Variants in TGM2 observed in about 807,000 individuals in gnomAD.
TGM2 encodes protein-glutamine gamma-glutamyltransferase 2.
In TGM2, 53 loss-of-function variants were observed where a neutral mutation model predicts 75.6. The observed-to-expected ratio is 0.70, with a 90% CI of 0.56 to 0.88. The LOEUF is 0.88. Ranked by LOEUF, TGM2 falls within the 40% of genes least tolerant of loss-of-function variation. The probability of loss-of-function intolerance (pLI) is 0.00; values close to 1 mark genes in which losing one functional copy is unlikely to be tolerated. For missense variants in TGM2, 842 were observed against 928.5 expected, an observed-to-expected ratio of 0.91 and a Z score of 1.21; for synonymous variants, 374 against 381.1, an observed-to-expected ratio of 0.98 and a Z score of 0.22.
chr20:38,146,857 C>T lies in TGM2; in HGVS notation c.719G>A (p.Arg240His), dbSNP rs780697822. Residue 240 changes from arginine to histidine, a missense_variant, in exon 6 of 13, where the codon CGC becomes CAC. Arg to His is a conservative substitution (Grantham distance 29). Transcript: ENST00000361475. The stretch of plus-strand genomic sequence containing the variant: ...GCCGTCCCCGTAGTTGTTGTCCCAG[C>T]GTCCCAGCAGCACACCCTGGTCATC... ...CNDDQGVLLG[R>H]WDNNYGDGVS... 29 of 1,613,834 alleles carry T rather than the reference C, an allele frequency of 1.8e-5. 1 individual carries two copies. In the South Asian group the frequency reaches 1.9e-4, roughly 10 times the overall value.
At chr20:38,144,998 T>G (rs2075027837) in intron 6 of TGM2, among the ~76,000 whole-genome samples, 1 of 152,138 alleles carries the variant, frequency 6.6e-6, no homozygotes, top group Non-Finnish European at 1.5e-5. Context: ...AGGTCTTGGA[T>G]TTCGGGGTTT....
chr20:38,148,189 C>T, intron 4 of TGM2, 100 bp from the exon 5 acceptor site: 1 of 1,513,212 alleles, frequency 6.6e-7, no homozygotes, highest in Non-Finnish European at 9.1e-7. Context: ...CACTCTGTCC[C>T]ACACAGCAGA....
intron 1 of TGM2, among the ~76,000 whole-genome samples, chr20:38,162,252 T>G (rs1342251172): frequency 1.3e-5 from 2 of 152,242 alleles, no homozygotes; most frequent in African/African-American, 2.4e-5. Context: ...GTAAAACACT[T>G]AGTACAATGT....
chr20:38,142,341 A>G, intron 6 of TGM2, 142 bp from the exon 7 acceptor site: 1 of 1,337,594 alleles, frequency 7.5e-7, no homozygotes. Context: ...TCCTGCCGGG[A>G]CAATGGCGCC....
chr20:38,134,600 T>G (rs1227073545), intron 10 of TGM2, among the ~76,000 whole-genome samples: 1 of 152,136 alleles, frequency 6.6e-6, no homozygotes, highest in African/African-American at 2.4e-5. Context: ...TCTCAACCAT[T>G]CTTTAGACAA....
intron 3 of TGM2, among the ~76,000 whole-genome samples, chr20:38,152,713 C>G (rs2075128125): frequency 6.6e-6 from 1 of 152,246 alleles, no homozygotes; most frequent in Non-Finnish European, 1.5e-5. Flanking sequence ...ACCCATCAGA[C>G]TGATTTCCTC....
In TGM2 at chr20:38,132,450, T is replaced by C. The variant is rs143549454; in HGVS notation, c.1666A>G (p.Thr556Ala). ...ILYEKYRDCL[T>A]ESNLIKVRAL... ...CGCACCTTGATGAGGTTGGACTCCG[T>C]AAGGCAGTCACGGTATTTCTCATAG... Residue 556 changes from threonine to alanine, a missense_variant, in exon 11 of 13, where the codon ACG (threonine) becomes GCG (alanine). Coordinates refer to ENST00000361475, the MANE Select transcript of TGM2 (RefSeq NM_004613.4). The C allele has an allele frequency of 1.9e-5, 30 of 1,614,118 alleles. No homozygotes were observed. In the African/African-American group the frequency reaches 3.9e-4, roughly 21 times the overall value.
Position 38,161,498 on chromosome 20 carries a change from G to T in TGM2, c.112C>A (p.Pro38Thr). ...REKLVVRRGQ[P>T]FWLTLHFEGR... ...TCAAAGTGCAGGGTCAGCCAGAAGGGCTGGCCCCGTCGCACCACCAGCTTC... is the reference window on the plus strand; with the variant it reads ...TCAAAGTGCAGGGTCAGCCAGAAGGTCTGGCCCCGTCGCACCACCAGCTTC... Residue 38 changes from proline (P) to threonine (T), a missense_variant, in exon 2 of 13, where the codon CCC (proline) becomes ACC (threonine). Pro to Thr is a conservative substitution (Grantham distance 38). Transcript: ENST00000361475. 6.2e-7 allele frequency: 1 copy of T among 1,614,188 alleles called. No individual in the cohort carries two copies. The highest frequency in any genetic ancestry group is 2.2e-5 in the East Asian group (1 of 44,872).
intron 10 of TGM2, among the ~76,000 whole-genome samples, chr20:38,134,239 C>A (rs1388530349): frequency 6.6e-6 from 1 of 152,190 alleles, no homozygotes; most frequent in Non-Finnish European, 1.5e-5. Flanking sequence ...GCTGCCCCGA[C>A]CTGCCCACCT....
chr20:38,141,473 C>T, intron 7 of TGM2, 88 bp from the exon 8 acceptor site: 2 of 1,006,030 alleles, frequency 2.0e-6, no homozygotes, highest in Non-Finnish European at 3.1e-6. Context: ...TTCATGTCCC[C>T]AGATGCAAGC....
In TGM2 at chr20:38,129,904, T is replaced by C; in HGVS notation, c.*315A>G. On this transcript the variant is annotated 3_prime_UTR_variant, in exon 13 of 13. Transcript: ENST00000361475. Reference sequence around the variant, plus strand: ...ATCAAACAATATGGTGGGTGGTCAATGGCTTTCCAAAGGGCATCTGGGCAG... The same window carrying C: ...ATCAAACAATATGGTGGGTGGTCAACGGCTTTCCAAAGGGCATCTGGGCAG... The C allele has an allele frequency of 4.8e-6, 2 of 413,762 alleles. No homozygotes were observed. Among genetic ancestry groups the C allele is most frequent in the South Asian group, 2.8e-5 (1 of 35,248 alleles). 25.6% of individuals were successfully genotyped at this position (413,762 alleles called of 1,614,324 possible).
At chr20:38,165,156 C>T (rs748172619) in intron 1 of TGM2, 33 bp downstream of exon 1, 4 of 1,613,938 alleles carry the variant, frequency 2.5e-6, no homozygotes, top group South Asian at 2.2e-5. Context: ...CCCGGGGCCC[C>T]TGAGTGGCGG....
intron 1 of TGM2, among the ~76,000 whole-genome samples, chr20:38,163,066 C>T (rs1460647593): frequency 2.0e-5 from 3 of 152,146 alleles, no homozygotes; most frequent in Admixed American, 6.5e-5. Context: ...CCCTTCCCCA[C>T]GGCCCAGCCC....
chr20:38,143,804 T>C (rs2122894631), intron 6 of TGM2, among the ~76,000 whole-genome samples: 1 of 152,334 alleles, frequency 6.6e-6, no homozygotes, highest in South Asian at 2.1e-4. Context: ...TAGTTTTGAT[T>C]GAAGTTGAGT....
intron 6 of TGM2, 28 bp from the exon 7 acceptor site, chr20:38,142,227 G>T (rs1174843975): frequency 1.2e-6 from 2 of 1,613,322 alleles, no homozygotes; most frequent in Non-Finnish European, 1.7e-6. Context: ...AAAGCGGGGT[G>T]AGGTCCTGGA....
In TGM2 at chr20:38,139,343, G is replaced by A. The variant is rs570709972; in HGVS notation, c.1342+69C>T. 5 of 1,611,176 alleles carry A rather than the reference G, an allele frequency of 3.1e-6. No homozygotes were observed. The East Asian group carries it at 6.7e-5, about 22-fold the overall frequency. On this transcript the variant is annotated intron_variant, in intron 9 of 12. Transcript: ENST00000361475. ...TTAAAACACACGCACACACATACAC[G>A]AGCCTGCCGGGCTGGGAAAACTGGA...
intron 2 of TGM2, among the ~76,000 whole-genome samples, chr20:38,160,683 G>T (rs2075242194): frequency 1.3e-5 from 2 of 152,190 alleles, no homozygotes; most frequent in African/African-American, 4.8e-5. Context: ...ACCCAGAACT[G>T]CCCACATGGA....
At chr20:38,139,796 G>T in intron 8 of TGM2, 142 bp from the exon 9 acceptor site, 2 of 1,078,404 alleles carry the variant, frequency 1.9e-6, no homozygotes, top group Non-Finnish European at 2.7e-6. Context: ...CTTCCAGGAG[G>T]GCACCACAGG....
intron 2 of TGM2, among the ~76,000 whole-genome samples, chr20:38,160,435 A>C (rs2075240156): frequency 6.6e-6 from 1 of 152,216 alleles, no homozygotes; most frequent in South Asian, 2.1e-4. Flanking sequence ...CTGGGGCCCC[A>C]GTACAAAGAT....
Sources: gnomAD v4.1 joint callset for allele counts (sites outside exome capture counted in the v4.1 genomes callset) on GRCh38, gnomAD v4.1.1 for gene constraint, MANE v1.5 for transcripts, NCBI Gene and HGNC (gene_info 2026-07-23, HGNC 2026-07-21) for gene names.